Variants in DLGAP2 observed in about 807,000 individuals in gnomAD.
DLGAP2 encodes disks large-associated protein 2.
Under a neutral mutation model 100.3 loss-of-function variants are expected in DLGAP2, and 26 were observed. The observed-to-expected ratio is 0.26, with a 90% CI of 0.19 to 0.36. The LOEUF is 0.36. Ranked by LOEUF, DLGAP2 falls within the 10% of genes least tolerant of loss-of-function variation. The probability of loss-of-function intolerance (pLI) is 1.00; values close to 1 mark genes in which losing one functional copy is unlikely to be tolerated. For synonymous variants in DLGAP2, 886 were observed against 630.1 expected, an observed-to-expected ratio of 1.41 and a Z score of -6.08; for missense variants, 1,858 against 1,453.2, an observed-to-expected ratio of 1.28 and a Z score of -4.53.
At chr8:1,585,734 C>G (rs1006476401) in intron 6 of DLGAP2, among the ~76,000 whole-genome samples, 1 of 152,214 alleles carries the variant, frequency 6.6e-6, no homozygotes, top group Non-Finnish European at 1.5e-5. Context: ...CTGGGCAGTA[C>G]TGTAGCCAGC....
intron 3 of DLGAP2, among the ~76,000 whole-genome samples, chr8:1,468,859 C>G (rs866094578): frequency 6.6e-6 from 1 of 152,142 alleles, no homozygotes; most frequent in East Asian, 1.9e-4. Context: ...CATCCTGGGG[C>G]CACGCTGCCC....
chr8:1,290,373 T>C (rs1414382997), intron 3 of DLGAP2, among the ~76,000 whole-genome samples: 1 of 152,240 alleles, frequency 6.6e-6, no homozygotes, highest in Non-Finnish European at 1.5e-5. Context: ...GCCTACATAG[T>C]GACGGCAGGG....
intron 14 of DLGAP2, among the ~76,000 whole-genome samples, chr8:1,699,143 T>C (rs546885220): frequency 6.6e-6 from 1 of 152,336 alleles, no homozygotes; most frequent in South Asian, 2.1e-4. Context: ...TTCCGTCTAG[T>C]CTCCATTCTT....
intron 2 of DLGAP2, among the ~76,000 whole-genome samples, chr8:1,186,624 C>T (rs1457781797): frequency 6.6e-6 from 1 of 152,088 alleles, no homozygotes; most frequent in Admixed American, 6.6e-5. Context: ...AGCTGATACT[C>T]CACTCCGTTG....
At chr8:857,826 C>T (rs1797309542) in intron 1 of DLGAP2, among the ~76,000 whole-genome samples, 1 of 152,152 alleles carries the variant, frequency 6.6e-6, no homozygotes, top group South Asian at 2.1e-4. Context: ...CCTAGGTGTT[C>T]ACCCAGATAC....
intron 3 of DLGAP2, among the ~76,000 whole-genome samples, chr8:1,392,872 T>C (rs1197517307): frequency 2.0e-5 from 3 of 147,718 alleles, no homozygotes; most frequent in African/African-American, 7.6e-5. Context: ...TGTGTCTTTG[T>C]TAAATGTGAC....
rs201091256 is a variant in DLGAP2, at chr8:1,378,268, G to A, written c.106+119385G>A. On this transcript the variant is annotated intron_variant, in intron 3 of 14. Transcript: ENST00000637795. ...GTCCTTGCCACACACACCTGACTTC[G>A]CCTGTCTGTCCTGCACACACCTGAC... is the stretch of plus-strand genomic sequence containing the variant. 1.8e-3 allele frequency among the ~76,000 whole-genome samples: 265 copies of A among 148,300 alleles called. 4 individuals are homozygous for A. The South Asian group carries it at 0.027, about 15-fold the overall frequency.
chr8:1,155,802 G>C (rs1174860959), intron 2 of DLGAP2, among the ~76,000 whole-genome samples: 2 of 152,220 alleles, frequency 1.3e-5, no homozygotes, highest in Non-Finnish European at 2.9e-5. Flanking sequence ...AGGTGCTGCA[G>C]GCATTCGTGG....
chr8:1,564,205 C>G (rs564188709), intron 5 of DLGAP2, among the ~76,000 whole-genome samples: 88 of 152,228 alleles, frequency 5.8e-4, no homozygotes, highest in Non-Finnish European at 9.9e-4. Context: ...GGGAGCTGTT[C>G]AAAGCTAATG....
In DLGAP2 at chr8:1,122,987, G is replaced by A. The variant is rs201534556; in HGVS notation, c.74-135864G>A. 2.6e-5 allele frequency among the ~76,000 whole-genome samples: 4 copies of A among 152,304 alleles called. No homozygotes were observed. In the East Asian group the frequency reaches 7.7e-4, roughly 29 times the overall value. The stretch of plus-strand genomic sequence containing the variant: ...TCCGCCAGATAGAGGGTGATCAGGA[G>A]ATACAGTTAAACTCAGCATAATTCT... On this transcript the variant is annotated intron_variant, in intron 2 of 14. Coordinates refer to ENST00000637795, the MANE Select transcript of DLGAP2 (RefSeq NM_001346810.2).
intron 2 of DLGAP2, among the ~76,000 whole-genome samples, chr8:1,075,781 C>T (rs1803586622): frequency 1.3e-5 from 2 of 152,062 alleles, no homozygotes; most frequent in African/African-American, 4.8e-5. Flanking sequence ...AAAGATAGCT[C>T]AGAGGCCGGG....
chr8:947,263 C>T (rs1406455025), intron 2 of DLGAP2, among the ~76,000 whole-genome samples: 1 of 152,182 alleles, frequency 6.6e-6, no homozygotes, highest in Non-Finnish European at 1.5e-5. Context: ...TCCCGGGGTC[C>T]ACTCTCGTTC....
chr8:1,569,856 T>A (rs1802583394), intron 6 of DLGAP2, among the ~76,000 whole-genome samples: 3 of 148,582 alleles, frequency 2.0e-5, no homozygotes, highest in South Asian at 4.3e-4. Flanking sequence ...GCAGGATAGA[T>A]CTTCACCCCA....
At chr8:1,143,656 C>G (rs1224283066) in intron 2 of DLGAP2, among the ~76,000 whole-genome samples, 1 of 152,202 alleles carries the variant, frequency 6.6e-6, no homozygotes, top group African/African-American at 2.4e-5. Context: ...CCTCTCCTTC[C>G]CTCACCCACG....
chr8:1,639,688 A>G (rs4876114), intron 8 of DLGAP2, among the ~76,000 whole-genome samples: 53,876 of 152,194 alleles, frequency 0.35, 12,114 homozygotes, highest in African/African-American at 0.64. Flanking sequence ...TTAGAAGTCT[A>G]AAGTAGGTTC....
In DLGAP2 at chr8:923,111, G is replaced by A. The variant is rs987531071; in HGVS notation, c.73+15145G>A. 2.0e-5 allele frequency among the ~76,000 whole-genome samples: 3 copies of A among 152,296 alleles called. 1 individual carries two copies. The highest frequency in any genetic ancestry group is 3.9e-4 in the East Asian group (2 of 5,172). On this transcript the variant is annotated intron_variant, in intron 2 of 14. Coordinates refer to ENST00000637795, the MANE Select transcript of DLGAP2 (RefSeq NM_001346810.2). ...TTCCCTGACTGCAGCAAGTTACTAC[G>A]GAACAAGTTACTAGGTAGCAAACCA...
At chr8:947,424 G>A (rs947642970) in intron 2 of DLGAP2, among the ~76,000 whole-genome samples, 6 of 152,202 alleles carry the variant, frequency 3.9e-5, no homozygotes, top group Non-Finnish European at 8.8e-5. Flanking sequence ...CACTTGCTGC[G>A]ACAGGCCCCT....
At chr8:984,005 C>T (rs575025620) in intron 2 of DLGAP2, among the ~76,000 whole-genome samples, 6 of 152,186 alleles carry the variant, frequency 3.9e-5, no homozygotes, top group Non-Finnish European at 8.8e-5. Context: ...AAGAGTGTGC[C>T]GAGCACACAG....
chr8:840,368 C>T lies in DLGAP2; in HGVS notation c.19-67544C>T, dbSNP rs2132714981. Among the ~76,000 whole-genome samples the T allele has an allele frequency of 1.5e-5, 2 of 129,266 alleles. 1 individual carries two copies. Among genetic ancestry groups the T allele is most frequent in the South Asian group, 5.3e-4 (2 of 3,746 alleles). The allele number at this position is 129,266 out of a possible 152,430, so 84.8% of individuals were successfully genotyped here. Reference sequence around the variant, plus strand: ...GCGAGCGCGTCTACACGGTGCACGCCTGCACGTTTCCCTACACTCTGGATT... The same window carrying T: ...GCGAGCGCGTCTACACGGTGCACGCTTGCACGTTTCCCTACACTCTGGATT... On this transcript the variant is annotated intron_variant, in intron 1 of 14. Coordinates refer to ENST00000637795, the MANE Select transcript of DLGAP2 (RefSeq NM_001346810.2).
Sources: gnomAD v4.1 joint callset for allele counts (sites outside exome capture counted in the v4.1 genomes callset) on GRCh38, gnomAD v4.1.1 for gene constraint, MANE v1.5 for transcripts, NCBI Gene and HGNC (gene_info 2026-07-23, HGNC 2026-07-21) for gene names.